HPCAL1: variants seen among roughly 807,000 people sequenced by gnomAD.
The protein encoded by HPCAL1 is hippocalcin-like protein 1.
A neutral mutation model predicts 17.1 loss-of-function variants in HPCAL1; 8 were observed. That is an observed-to-expected ratio of 0.47 (90% CI 0.27 to 0.84). The LOEUF is 0.84. Among genes scored for constraint, HPCAL1 ranks in the 40% least tolerant of loss-of-function variants. The probability of loss-of-function intolerance (pLI) is 0.13; values close to 1 mark genes in which losing one functional copy is unlikely to be tolerated. For missense variants in HPCAL1, 165 were observed against 271.1 expected, an observed-to-expected ratio of 0.61 and a Z score of 2.75; for synonymous variants, 112 against 111.4, an observed-to-expected ratio of 1.01 and a Z score of -0.03.
chr2:10,376,840 CGT>C (rs1667595328), intron 1 of HPCAL1, among the ~76,000 whole-genome samples: 1 of 131,492 alleles, frequency 7.6e-6, no homozygotes, highest in Non-Finnish European at 1.5e-5. Flanking sequence ...CAATACATAC[CGT>C]ATTGTATTGT....
chr2:10,348,339 C>T (rs1380960708), intron 1 of HPCAL1, among the ~76,000 whole-genome samples: 1 of 152,194 alleles, frequency 6.6e-6, no homozygotes, highest in Non-Finnish European at 1.5e-5. Context: ...ATCCCAGCTA[C>T]TCGGGAGGCT....
At chr2:10,401,972 C>T (rs146430976) in intron 2 of HPCAL1, among the ~76,000 whole-genome samples, 3,376 of 151,876 alleles carry the variant, frequency 0.022, 102 homozygotes, top group African/African-American at 0.074. Context: ...GTGATCTCAG[C>T]TCACTGCAAG....
rs553172214 is a variant in HPCAL1 at position 10,344,569 on chromosome 2, C to T, written c.-111+41392C>T. 2.0e-5 allele frequency among the ~76,000 whole-genome samples: 3 copies of T among 152,300 alleles called. No homozygotes were observed. The highest frequency in any genetic ancestry group is 2.1e-4 in the South Asian group (1 of 4,824). Reference sequence around the variant, plus strand: ...GTGCAAAGAAATGAAGAAAAGCTATCGGGGCATCTGCAGCCACTATTATAC... The same window carrying T: ...GTGCAAAGAAATGAAGAAAAGCTATTGGGGCATCTGCAGCCACTATTATAC... On this transcript the variant is annotated intron_variant, in intron 1 of 4. Transcript: ENST00000307845. This position sits in a 1 kb window ranked among gnomAD's most constrained non-coding sequence, Gnocchi z 4.9.
intron 1 of HPCAL1, among the ~76,000 whole-genome samples, chr2:10,390,371 G>A (rs146893655): frequency 1.2e-4 from 19 of 152,244 alleles, no homozygotes; most frequent in Admixed American, 3.9e-4. Context: ...AGAGGTCATT[G>A]TGCAAAACGT....
At chr2:10,420,182 T>A in intron 3 of HPCAL1, 47 bp downstream of exon 3, 3 of 1,007,042 alleles carry the variant, frequency 3.0e-6, no homozygotes, top group Non-Finnish European at 4.2e-6. Flanking sequence ...CCAGGTCCCC[T>A]CCCAGCTCCC....
intron 1 of HPCAL1, among the ~76,000 whole-genome samples, chr2:10,338,524 T>C (rs1664864171): frequency 1.3e-5 from 2 of 152,100 alleles, no homozygotes; most frequent in African/African-American, 2.4e-5. Context: ...AGTTGGTGGG[T>C]CACTTGGCTG....
At position 10,344,183 on chromosome 2, in the gene HPCAL1, C is replaced by T. The variant is rs1392092260; in HGVS notation, c.-111+41006C>T. ...CCCTACAGCTTTGATCTCGAAGTCT[C>T]GGCCGCTCCTGGCTCAGAGGACCCT... On this transcript the variant is annotated intron_variant, in intron 1 of 4. Coordinates refer to ENST00000307845, the MANE Select transcript of HPCAL1 (RefSeq NM_002149.4). This position sits in a 1 kb window ranked among gnomAD's most constrained non-coding sequence, Gnocchi z 4.9. Among the ~76,000 whole-genome samples, 6 of 152,222 alleles carry T rather than the reference C, an allele frequency of 3.9e-5. No individual in the cohort carries two copies. The highest frequency in any genetic ancestry group is 1.4e-4 in the African/African-American group (6 of 41,466).
At chr2:10,313,947 A>G (rs936082062) in intron 1 of HPCAL1, among the ~76,000 whole-genome samples, 7 of 152,058 alleles carry the variant, frequency 4.6e-5, no homozygotes, top group Non-Finnish European at 1.0e-4. Flanking sequence ...CCTGGCCAAC[A>G]TGGTGAAACC....
Position 10,380,506 on chromosome 2 carries a change from G to A in HPCAL1, c.-110-16329G>A, listed in dbSNP as rs187753320. The stretch of plus-strand genomic sequence containing the variant: ...GCTGTGATCCATTCAGGCCTAGAAA[G>A]CTGGGGGTGCTGACTGCCATCACCC... On this transcript the variant is annotated intron_variant, in intron 1 of 4. Coordinates refer to ENST00000307845, the MANE Select transcript of HPCAL1 (RefSeq NM_002149.4). Among the ~76,000 whole-genome samples, 69 of 152,312 alleles carry A rather than the reference G, an allele frequency of 4.5e-4. No homozygotes were observed. In the East Asian group the frequency reaches 0.013, roughly 29 times the overall value.
intron 2 of HPCAL1, among the ~76,000 whole-genome samples, chr2:10,409,815 A>C (rs1292584132): frequency 9.3e-6 from 1 of 107,862 alleles, no homozygotes; most frequent in Non-Finnish European, 1.7e-5. Context: ...TTTGAGACAG[A>C]GTCTCGCTCT....
intron 1 of HPCAL1, among the ~76,000 whole-genome samples, chr2:10,312,456 T>A (rs529799728): frequency 5.3e-5 from 8 of 150,704 alleles, no homozygotes; most frequent in Non-Finnish European, 1.0e-4. Flanking sequence ...ATCACCATCA[T>A]CACCATCACC....
chr2:10,374,731 G>A (rs1015052123), intron 1 of HPCAL1, among the ~76,000 whole-genome samples: 3 of 152,232 alleles, frequency 2.0e-5, no homozygotes, highest in Non-Finnish European at 2.9e-5. Context: ...GAGTGGAGGC[G>A]GCAGTTCCAC....
intron 2 of HPCAL1, among the ~76,000 whole-genome samples, chr2:10,399,256 CCACCATCACCACCACCACCACCAT>C (rs1669302124): frequency 1.3e-5 from 1 of 76,948 alleles, no homozygotes; most frequent in Non-Finnish European, 3.1e-5. Context: ...ACCACCACCA[CCACCATCACCACCACCACCACCAT>C]CACCACCACC....
intron 2 of HPCAL1, among the ~76,000 whole-genome samples, chr2:10,417,740 G>A (rs1670761801): frequency 6.6e-6 from 1 of 152,124 alleles, no homozygotes; most frequent in Admixed American, 6.6e-5. Context: ...GAAAGATAAA[G>A]TCATAAAGAT....
chr2:10,328,499 A>G (rs976353978), intron 1 of HPCAL1, among the ~76,000 whole-genome samples: 2 of 152,218 alleles, frequency 1.3e-5, no homozygotes, highest in Non-Finnish European at 2.9e-5. Context: ...GTGTGGGTGG[A>G]TATCATCCAA....
At chr2:10,366,010 C>T (rs879543622) in intron 1 of HPCAL1, among the ~76,000 whole-genome samples, 10 of 152,204 alleles carry the variant, frequency 6.6e-5, no homozygotes, top group African/African-American at 1.2e-4. Context: ...CAGTGCAGTT[C>T]GTCCACGTTT....
At chr2:10,349,279 A>C (rs1296546717) in intron 1 of HPCAL1, among the ~76,000 whole-genome samples, 4 of 152,192 alleles carry the variant, frequency 2.6e-5, no homozygotes, top group Admixed American at 6.5e-5. Flanking sequence ...AGGAGACAAA[A>C]AATAATATTT....
intron 2 of HPCAL1, among the ~76,000 whole-genome samples, chr2:10,397,647 C>T (rs1669142069): frequency 6.6e-6 from 1 of 152,212 alleles, no homozygotes; most frequent in Non-Finnish European, 1.5e-5. Context: ...GGGCTTTTTC[C>T]ATCCGGAATC....
At chr2:10,339,566 C>T (rs1664938133) in intron 1 of HPCAL1, among the ~76,000 whole-genome samples, 1 of 152,202 alleles carries the variant, frequency 6.6e-6, no homozygotes, top group Admixed American at 6.5e-5. Flanking sequence ...CCAGGCTGGT[C>T]TTCAACTCCT....
Sources: allele counts gnomAD v4.1 joint callset (sites outside exome capture counted in the v4.1 genomes callset), GRCh38; gene constraint gnomAD v4.1.1; non-coding constraint Gnocchi (gnomAD v3.1); transcripts MANE v1.5; gene names NCBI Gene and HGNC (gene_info 2026-07-23, HGNC 2026-07-21).